The following PCCA variants were observed in gnomAD, a reference collection of about 807,000 sequenced individuals.
The protein encoded by PCCA is propionyl-CoA carboxylase subunit alpha.
In PCCA, 74 loss-of-function variants were observed where a neutral mutation model predicts 101.3. That is an observed-to-expected ratio of 0.73 (90% CI 0.61 to 0.89). The LOEUF is 0.89. PCCA is among the 40% of genes least tolerant of loss of function. The pLI, the probability that PCCA is intolerant of heterozygous loss-of-function variation, is 0.00. For synonymous variants in PCCA, 294 were observed against 313.6 expected, an observed-to-expected ratio of 0.94 and a Z score of 0.66; for missense variants, 891 against 907.0, an observed-to-expected ratio of 0.98 and a Z score of 0.23.
At chr13:100,401,186 A>T (rs2077342218) in intron 19 of PCCA, among the ~76,000 whole-genome samples, 1 of 151,840 alleles carries the variant, frequency 6.6e-6, no homozygotes, top group Non-Finnish European at 1.5e-5. Context: ...GATTTTTTAT[A>T]GCTTTCTAAG....
chr13:100,385,819 C>T (rs543828712), intron 19 of PCCA, among the ~76,000 whole-genome samples: 26 of 152,226 alleles, frequency 1.7e-4, no homozygotes, highest in African/African-American at 6.3e-4. Context: ...ACCATGTTGC[C>T]CAGGCTGGTC....
At chr13:100,441,989 C>CTTT (rs776208311) in intron 20 of PCCA, among the ~76,000 whole-genome samples, 26 of 128,526 alleles carry the variant, frequency 2.0e-4, no homozygotes, top group East Asian at 5.9e-4. Flanking sequence ...TTCCTTTTTT[C>CTTT]TTTTTTTTTT....
intron 4 of PCCA, among the ~76,000 whole-genome samples, chr13:100,112,988 C>T (rs903304222): frequency 6.6e-6 from 1 of 152,194 alleles, no homozygotes; most frequent in Non-Finnish European, 1.5e-5. Context: ...TAGTTGAATA[C>T]TAATGCAAGC....
chr13:100,367,594 T>A (rs1438393013), intron 18 of PCCA, among the ~76,000 whole-genome samples: 1 of 151,908 alleles, frequency 6.6e-6, no homozygotes, highest in Non-Finnish European at 1.5e-5. Context: ...GTTTTTTAAA[T>A]TTCGTGAATT....
intron 19 of PCCA, among the ~76,000 whole-genome samples, chr13:100,423,041 G>C (rs1026827743): frequency 6.7e-6 from 1 of 150,294 alleles, no homozygotes; most frequent in Non-Finnish European, 1.5e-5. Context: ...TGCAGACATC[G>C]AGTATTGGTT....
intron 16 of PCCA, 142 bp downstream of exon 16, chr13:100,310,050 A>G: frequency 1.5e-6 from 1 of 685,974 alleles, no homozygotes. Context: ...ACTCAAATCC[A>G]TCAAACCACC....
chr13:100,247,661 C>T (rs1390628779), intron 8 of PCCA, among the ~76,000 whole-genome samples: 1 of 151,856 alleles, frequency 6.6e-6, no homozygotes, highest in Non-Finnish European at 1.5e-5. Context: ...CTACAGGTGC[C>T]TGCCACCACA....
At chr13:100,146,229 C>T (rs1363660947) in intron 4 of PCCA, among the ~76,000 whole-genome samples, 1 of 151,646 alleles carries the variant, frequency 6.6e-6, no homozygotes, top group Non-Finnish European at 1.5e-5. Context: ...GCGTGAGCCA[C>T]CGCACCGGCC....
At chr13:100,272,586 C>CA (rs2063373882) in intron 11 of PCCA, among the ~76,000 whole-genome samples, 2 of 151,642 alleles carry the variant, frequency 1.3e-5, no homozygotes, top group African/African-American at 4.8e-5. Flanking sequence ...CACACAAATG[C>CA]AAAAAAAGTG....
At chr13:100,214,259 T>C (rs2059387514) in intron 7 of PCCA, among the ~76,000 whole-genome samples, 1 of 152,070 alleles carries the variant, frequency 6.6e-6, no homozygotes, top group African/African-American at 2.4e-5. Context: ...AAGATTGTCA[T>C]TGGTATTTTG....
At chr13:100,175,544 G>A (rs1303479427) in intron 6 of PCCA, among the ~76,000 whole-genome samples, 1 of 152,194 alleles carries the variant, frequency 6.6e-6, no homozygotes, top group East Asian at 1.9e-4. Context: ...TGAAAAGGTT[G>A]CAGTCATCTA....
At chr13:100,441,937 T>A (rs750542933) in intron 20 of PCCA, among the ~76,000 whole-genome samples, 1 of 152,044 alleles carries the variant, frequency 6.6e-6, no homozygotes, top group Non-Finnish European at 1.5e-5. Context: ...CAGTTCTGAG[T>A]GAAATTTTAT....
At chr13:100,281,826 T>G (rs1248362882) in intron 12 of PCCA, among the ~76,000 whole-genome samples, 1 of 152,220 alleles carries the variant, frequency 6.6e-6, no homozygotes. Context: ...TATCGATAAT[T>G]TTTCCAGTAT....
chr13:100,124,701 A>G (rs573864493), intron 4 of PCCA, among the ~76,000 whole-genome samples: 2 of 152,326 alleles, frequency 1.3e-5, no homozygotes, highest in African/African-American at 4.8e-5. Context: ...ATGGAAATGG[A>G]ACACATTAAT....
At chr13:100,524,891 A>G (rs2087629144) in intron 22 of PCCA, among the ~76,000 whole-genome samples, 1 of 152,118 alleles carries the variant, frequency 6.6e-6, no homozygotes, top group Non-Finnish European at 1.5e-5. Context: ...TAGATAGATT[A>G]GATAGATTAG....
At chr13:100,335,492 A>AT (rs2070301197) in intron 17 of PCCA, among the ~76,000 whole-genome samples, 1 of 152,170 alleles carries the variant, frequency 6.6e-6, no homozygotes, top group Non-Finnish European at 1.5e-5. Context: ...AGTCTCAATA[A>AT]TTATTAGCTC....
At position 100,513,076 on chromosome 13, in the gene PCCA, C is replaced by A. The variant is rs115473298; in HGVS notation, c.1900-2351C>A. Reference sequence around the variant, plus strand: ...GGCAGTTCATTCTGATGGGCCCCTACGCTGCACCCTGCTTGGGCCCCATCC... The same window carrying A: ...GGCAGTTCATTCTGATGGGCCCCTAAGCTGCACCCTGCTTGGGCCCCATCC... On this transcript the variant is annotated intron_variant, in intron 21 of 23. Transcript: ENST00000376285. Among the ~76,000 whole-genome samples the A allele has an allele frequency of 2.5e-3, 375 of 152,362 alleles. 5 individuals carry two copies. Among genetic ancestry groups the A allele is most frequent in the African/African-American group, 8.7e-3 (360 of 41,588 alleles).
At chr13:100,492,653 C>T (rs570029931) in intron 21 of PCCA, among the ~76,000 whole-genome samples, 3 of 151,530 alleles carry the variant, frequency 2.0e-5, no homozygotes, top group African/African-American at 7.3e-5. Flanking sequence ...CAGGCATTCC[C>T]GTTTTTGTGC....
At chr13:100,148,364 C>T (rs1236163762) in intron 4 of PCCA, among the ~76,000 whole-genome samples, 1 of 152,198 alleles carries the variant, frequency 6.6e-6, no homozygotes, top group African/African-American at 2.4e-5. Context: ...GGCTGTCACT[C>T]TGCCTCTCCT....
Sources: allele counts gnomAD v4.1 joint callset (sites outside exome capture counted in the v4.1 genomes callset), GRCh38; gene constraint gnomAD v4.1.1; transcripts MANE v1.5; gene names NCBI Gene and HGNC (gene_info 2026-07-23, HGNC 2026-07-21).